Variants in CATSPERD observed in about 807,000 individuals in gnomAD.
The protein encoded by CATSPERD is catsper channel auxiliary subunit delta.
Under a neutral mutation model 98.1 loss-of-function variants are expected in CATSPERD, and 86 were observed. The observed-to-expected ratio is 0.88, with a 90% CI of 0.74 to 1.05. The LOEUF (loss-of-function observed/expected upper bound fraction) is 1.05, where lower values mean the gene tolerates loss of function less well. CATSPERD is among the 50% of genes least tolerant of loss of function. The pLI, the probability that CATSPERD is intolerant of heterozygous loss-of-function variation, is 0.00. For missense variants in CATSPERD, 995 were observed against 1,005.7 expected (o/e 0.99, Z 0.14); for synonymous variants, 394 against 390.2 (o/e 1.01, Z -0.12).
chr19:5,763,122 G>A (rs189091236), intron 15 of CATSPERD, 93 bp from the exon 16 acceptor site: 31 of 902,878 alleles, frequency 3.4e-5, no homozygotes, highest in Admixed American at 3.4e-4. Flanking sequence ...ATGGATGCAC[G>A]GATGACTGAA....
At chr19:5,764,481 A>T (rs1013811658) in intron 16 of CATSPERD, among the ~76,000 whole-genome samples, 2 of 150,514 alleles carry the variant, frequency 1.3e-5, no homozygotes, top group African/African-American at 4.9e-5. Flanking sequence ...ATGCCTGGCT[A>T]ATTTTTTTTG....
chr19:5,727,150 G>T, intron 2 of CATSPERD, 118 bp from the exon 3 acceptor site: 1 of 689,874 alleles, frequency 1.4e-6, no homozygotes, highest in Non-Finnish European at 2.5e-6. Flanking sequence ...AGCCAAGATT[G>T]TGCAACTGCA....
intron 11 of CATSPERD, 116 bp from the exon 12 acceptor site, chr19:5,751,531 C>CAAAAAAAAA (rs57266365): frequency 6.4e-6 from 1 of 155,742 alleles, no homozygotes; most frequent in African/African-American, 6.1e-5. Flanking sequence ...GAGACTCCAT[C>CAAAAAAAAA]AAAAAAAAAA....
intron 16 of CATSPERD, 112 bp from the exon 17 acceptor site, chr19:5,765,991 G>C: frequency 1.4e-6 from 1 of 723,256 alleles, no homozygotes; most frequent in Non-Finnish European, 2.2e-6. Flanking sequence ...TTGGGATCCA[G>C]GCCACATGGT....
At position 5,722,400 on chromosome 19, in the gene CATSPERD, C is replaced by T. The variant is rs142469592; in HGVS notation, c.71+1592C>T. Among the ~76,000 whole-genome samples, 1,178 of 152,286 alleles carry T rather than the reference C, an allele frequency of 7.7e-3. 12 individuals are homozygous for T. The highest frequency in any genetic ancestry group is 0.027 in the African/African-American group (1,114 of 41,566). On this transcript the variant is annotated intron_variant, in intron 1 of 21. Coordinates refer to ENST00000381624, the MANE Select transcript of CATSPERD (RefSeq NM_152784.4). ...CCTCCCAACGTGCTGGGCTTACAGGCGTGTGCCACCGCGCCCGGCCAACAC... is the reference window on the plus strand; with the variant it reads ...CCTCCCAACGTGCTGGGCTTACAGGTGTGTGCCACCGCGCCCGGCCAACAC...
At chr19:5,731,449 C>T (rs147548631) in intron 4 of CATSPERD, among the ~76,000 whole-genome samples, 50 of 151,522 alleles carry the variant, frequency 3.3e-4, no homozygotes, top group African/African-American at 1.0e-3. Flanking sequence ...ATTGTGCCAC[C>T]GCACTCCAGC....
At chr19:5,749,453 C>T (rs1164239446) in intron 11 of CATSPERD, among the ~76,000 whole-genome samples, 4 of 152,046 alleles carry the variant, frequency 2.6e-5, no homozygotes, top group South Asian at 2.1e-4. Context: ...ACAACAACAA[C>T]GACAACAGAA....
At chr19:5,768,807 C>A (rs145230812) in intron 18 of CATSPERD, among the ~76,000 whole-genome samples, 1 of 151,994 alleles carries the variant, frequency 6.6e-6, no homozygotes, top group Non-Finnish European at 1.5e-5. Flanking sequence ...CACGCCCATA[C>A]GAGAGTCTGG....
chr19:5,757,974 G>C, intron 14 of CATSPERD, 42 bp downstream of exon 14: 1 of 1,513,270 alleles, frequency 6.6e-7, no homozygotes, highest in Non-Finnish European at 9.1e-7. Context: ...TGTCCCTTGA[G>C]AGGCCCCCTC....
At chr19:5,741,151 C>G (rs925832994) in intron 7 of CATSPERD, among the ~76,000 whole-genome samples, 1 of 150,012 alleles carries the variant, frequency 6.7e-6, no homozygotes, top group African/African-American at 2.5e-5. Context: ...TTATGACACA[C>G]CCACATGCCC....
rs1187296792 is a variant in CATSPERD at position 5,778,418 on chromosome 19, A to G, written c.2139A>G (p.Gly713=). 2 of 1,613,494 alleles carry G rather than the reference A, an allele frequency of 1.2e-6. No individual in the cohort carries two copies. The highest frequency in any genetic ancestry group is 2.7e-5 in the African/African-American group (2 of 74,838). The change falls in exon 22 of 22, where the codon GGA becomes GGG. Residue 713 remains glycine, a synonymous_variant. Transcript: ENST00000381624. ...CCATCTTTAGCATCTACGTGTATGG[A>G]GCATTCCCCGTGCAGCTGGTCTCTG... ...LETIFSIYVY[G]AFPVQLVSAG... is the part of the protein sequence containing the mutation.
intron 15 of CATSPERD, 76 bp downstream of exon 15, chr19:5,759,220 T>G (rs11879365): frequency 0.84 from 1,122,953 of 1,333,738 alleles, 474,187 homozygotes; most frequent in Non-Finnish European, 0.86. Flanking sequence ...GAGAAGCAGG[T>G]CTGAGATCAG....
At chr19:5,758,138 G>A (rs1339887910) in intron 14 of CATSPERD, among the ~76,000 whole-genome samples, 1 of 152,124 alleles carries the variant, frequency 6.6e-6, no homozygotes, top group African/African-American at 2.4e-5. Context: ...GGCATGACAG[G>A]GAGGAGCCTA....
In CATSPERD at chr19:5,727,445, G is replaced by T; in HGVS notation, c.203+101G>T. 3 of 892,580 alleles carry T rather than the reference G, an allele frequency of 3.4e-6. No individual in the cohort carries two copies. The South Asian group carries it at 4.2e-5, about 12-fold the overall frequency. The allele number at this position is 892,580 out of a possible 1,614,324, so 55.3% of individuals were successfully genotyped here. A position where few individuals can be genotyped will look rare whatever the true frequency, so the allele number is the denominator to read the frequency against. ...AAACAGTAAAGAAGATGGCTCTGCCGTGTGTTGCTAGTTGCTGGCCTGTAG... is the reference window on the plus strand; with the variant it reads ...AAACAGTAAAGAAGATGGCTCTGCCTTGTGTTGCTAGTTGCTGGCCTGTAG... On this transcript the variant is annotated intron_variant, in intron 3 of 21. Transcript: ENST00000381624.
chr19:5,723,288 C>A (rs113159892), intron 1 of CATSPERD, among the ~76,000 whole-genome samples: 13,070 of 151,226 alleles, frequency 0.086, 947 homozygotes, highest in African/African-American at 0.19. Flanking sequence ...GAGTTTCATA[C>A]AAATTTTATT....
At chr19:5,751,531 C>CAAAAAAAAAAAAAAAA (rs57266365) in intron 11 of CATSPERD, 116 bp from the exon 12 acceptor site, 5 of 155,742 alleles carry the variant, frequency 3.2e-5, no homozygotes, top group African/African-American at 3.0e-4. Flanking sequence ...GAGACTCCAT[C>CAAAAAAAAAAAAAAAA]AAAAAAAAAA....
chr19:5,744,892 C>T (rs993219982), intron 8 of CATSPERD, among the ~76,000 whole-genome samples: 7 of 151,792 alleles, frequency 4.6e-5, no homozygotes, highest in Non-Finnish European at 8.8e-5. Context: ...TAAGCCACGG[C>T]GCCCGGCATC....
At chr19:5,743,694 CTCTCTCTCTCTCTGTCTCTGTCTCTG>C (rs2056040259) in intron 7 of CATSPERD, among the ~76,000 whole-genome samples, 1 of 148,420 alleles carries the variant, frequency 6.7e-6, no homozygotes. Flanking sequence ...CTCTCTCTCT[CTCTCTCTCTCTCTGTCTCTGTCTCTG>C]TCTCTGTCTC....
At chr19:5,720,894 A>AACCTCACTGAGGCTCCCCT (rs1208759662) in intron 1 of CATSPERD, 86 bp downstream of exon 1, 32 of 1,073,950 alleles carry the variant, frequency 3.0e-5, no homozygotes, top group Non-Finnish European at 3.7e-5. Context: ...CCTGCTCCCC[A>AACCTCACTGAGGCTCCCCT]ACCTCACTGA....
Sources: allele counts gnomAD v4.1 joint callset (sites outside exome capture counted in the v4.1 genomes callset), GRCh38; gene constraint gnomAD v4.1.1; transcripts MANE v1.5; gene names NCBI Gene and HGNC (gene_info 2026-07-23, HGNC 2026-07-21).